CYP51A1: variants seen among roughly 807,000 people sequenced by gnomAD.
CYP51A1 encodes lanosterol 14-alpha demethylase.
A neutral mutation model predicts 53.5 loss-of-function variants in CYP51A1; 45 were observed. That is an observed-to-expected ratio of 0.84 (90% CI 0.66 to 1.08). The LOEUF is 1.08. CYP51A1 is among the 50% of genes least tolerant of loss of function. The pLI is 0.00. For missense variants in CYP51A1, 462 were observed against 621.7 expected (o/e 0.74, Z 2.73); for synonymous variants, 181 against 217.7 (o/e 0.83, Z 1.48).
intron 1 of CYP51A1, among the ~76,000 whole-genome samples, chr7:92,132,774 T>G (rs916177373): frequency 2.6e-5 from 4 of 152,154 alleles, no homozygotes; most frequent in African/African-American, 9.7e-5. Context: ...TTTAAGAGAG[T>G]AGATCAGCTC....
chr7:92,122,079 G>A (rs530852523), intron 7 of CYP51A1, among the ~76,000 whole-genome samples: 1 of 152,132 alleles, frequency 6.6e-6, no homozygotes, highest in African/African-American at 2.4e-5. Context: ...ATGAACAATT[G>A]TATGCCAACA....
At chr7:92,129,637 T>C (rs1308900171) in intron 2 of CYP51A1, among the ~76,000 whole-genome samples, 1 of 152,198 alleles carries the variant, frequency 6.6e-6, no homozygotes, top group African/African-American at 2.4e-5. Context: ...TTTCTGGTTA[T>C]GATTGAAGAC....
upstream of CYP51A1, chr7:92,134,574 T>C: frequency 1.8e-6 from 1 of 551,906 alleles, no homozygotes; most frequent in Non-Finnish European, 3.2e-6. Context: ...AATAACACTC[T>C]GTGAAGCCGT....
At chr7:92,123,979 A>G (rs896889378) in intron 5 of CYP51A1, 126 bp from the exon 6 acceptor site, 1 of 694,360 alleles carries the variant, frequency 1.4e-6, no homozygotes, top group Non-Finnish European at 2.2e-6. Context: ...CTCTAAAATA[A>G]TTGACAAAAA....
At chr7:92,118,904 T>A (rs1219529726) in intron 7 of CYP51A1, among the ~76,000 whole-genome samples, 1 of 152,214 alleles carries the variant, frequency 6.6e-6, no homozygotes, top group African/African-American at 2.4e-5. Flanking sequence ...TTTTTCAAAA[T>A]TCTGGAAGAT....
chr7:92,134,062 C>G, intron 1 of CYP51A1, 111 bp downstream of exon 1: 1 of 1,050,118 alleles, frequency 9.5e-7, no homozygotes, highest in Non-Finnish European at 1.4e-6. Flanking sequence ...GCAGTCGCCC[C>G]CGCCCTTGCC....
chr7:92,124,908 C>A (rs567363142), intron 5 of CYP51A1, among the ~76,000 whole-genome samples: 64 of 152,188 alleles, frequency 4.2e-4, no homozygotes, highest in African/African-American at 1.5e-3. Flanking sequence ...CTATGGGAGG[C>A]CGAGGCGGGC....
At chr7:92,130,239 A>G (rs1819889387) in intron 2 of CYP51A1, among the ~76,000 whole-genome samples, 3 of 152,294 alleles carry the variant, frequency 2.0e-5, no homozygotes, top group Admixed American at 6.5e-5. Context: ...CTTTGGTCCT[A>G]TAGTCAGAGA....
intron 4 of CYP51A1, 53 bp downstream of exon 4, chr7:92,127,452 T>C: frequency 6.4e-7 from 1 of 1,551,142 alleles, no homozygotes; most frequent in Non-Finnish European, 8.7e-7. Context: ...ACTCTACTTT[T>C]CTATTCACAG....
At position 92,134,192 on chromosome 7, in the gene CYP51A1, A is replaced by C; in HGVS notation, c.173T>G (p.Val58Gly). The C allele has an allele frequency of 1.2e-6, 2 of 1,612,246 alleles. No homozygotes were observed. Among genetic ancestry groups the C allele is most frequent in the Non-Finnish European group, 1.7e-6 (2 of 1,179,726 alleles). The change falls in exon 1 of 10, where the codon GTC (valine) becomes GGC (glycine). Residue 58 changes from valine (V) to glycine (G), a missense_variant. Transcript: ENST00000003100. ...ACGTACCACCCCTGCGGGCAGCTGGACCAGGTGGCCGGCGGCCAGACGGAT... is the reference window on the plus strand; with the variant it reads ...ACGTACCACCCCTGCGGGCAGCTGGCCCAGGTGGCCGGCGGCCAGACGGAT... ...YLIRLAAGHL[V>G]QLPAGVKSPP... is the part of the protein sequence containing the mutation.
rs182924373 is a variant in CYP51A1 at position 92,115,413 on chromosome 7, G to C, written c.1352-1570C>G. On this transcript the variant is annotated intron_variant, in intron 9 of 9. Transcript: ENST00000003100. ...ATGCCATGTTAAGATACAGAGACATGAACAAGAAGAAAGCCTGTTGAAGAC... is the reference window on the plus strand; with the variant it reads ...ATGCCATGTTAAGATACAGAGACATCAACAAGAAGAAAGCCTGTTGAAGAC... 1.1e-3 allele frequency among the ~76,000 whole-genome samples: 161 copies of C among 152,254 alleles called. 3 individuals carry two copies. The highest frequency in any genetic ancestry group is 0.01 in the Admixed American group (158 of 15,296).
intron 5 of CYP51A1, among the ~76,000 whole-genome samples, chr7:92,125,867 G>A (rs747475738): frequency 6.6e-6 from 1 of 152,094 alleles, no homozygotes; most frequent in Non-Finnish European, 1.5e-5. Context: ...ATGGTGGCAC[G>A]TGCCTGTAGT....
intron 7 of CYP51A1, among the ~76,000 whole-genome samples, chr7:92,120,844 G>T (rs1490193733): frequency 6.6e-6 from 1 of 151,902 alleles, no homozygotes; most frequent in Non-Finnish European, 1.5e-5. Flanking sequence ...AAAAAAAATA[G>T]ATGAACTCTT....
In CYP51A1 at chr7:92,129,055, T is replaced by C. The variant is rs755424289; in HGVS notation, c.293A>G (p.Tyr98Cys). The C allele has an allele frequency of 5.0e-6, 8 of 1,605,660 alleles. No individual in the cohort carries two copies. Among genetic ancestry groups the C allele is most frequent in the Non-Finnish European group, 6.8e-6 (8 of 1,175,906 alleles). The change falls in exon 3 of 10, where the codon TAT becomes TGT. Residue 98 changes from tyrosine (Y) to cysteine (C), a missense_variant and splice_region_variant. By Grantham distance (194) the Tyr-to-Cys change is radical. Coordinates refer to ENST00000003100, the MANE Select transcript of CYP51A1 (RefSeq NM_000786.4). ...IEFLENAYEK[Y>C]GPVFSFTMVG... ...CATGGTAAAACTAAATACAGGTCCA[T>C]ACTAAAAAGAGAAAAGTACATATAG...
At chr7:92,115,732 A>G (rs928914202) in intron 9 of CYP51A1, among the ~76,000 whole-genome samples, 1 of 152,262 alleles carries the variant, frequency 6.6e-6, no homozygotes, top group African/African-American at 2.4e-5. Flanking sequence ...ATATAAGTTC[A>G]GAGACTATGG....
chr7:92,112,337 G>GAGTT lies in CYP51A1; in HGVS notation c.*1324_*1327dup, dbSNP rs1819388560. On this transcript the variant is annotated 3_prime_UTR_variant, in exon 10 of 10. Transcript: ENST00000003100. Reference sequence around the variant, plus strand: ...CAGCCATCTCATATAGTTAGGCCCCGAGTTACAATTTGAGATAAGTTGATT... The same window carrying GAGTT: ...CAGCCATCTCATATAGTTAGGCCCCGAGTTAGTTACAATTTGAGATAAGTTGATT... 1 of 152,130 alleles carries GAGTT rather than the reference G, an allele frequency of 6.6e-6. No individual in the cohort carries two copies. Among genetic ancestry groups the GAGTT allele is most frequent in the South Asian group, 2.1e-4 (1 of 4,832 alleles). The allele number at this position is 152,130 out of a possible 1,614,324, so 9.4% of individuals were successfully genotyped here.
chr7:92,132,433 G>A (rs1819942339), intron 1 of CYP51A1, among the ~76,000 whole-genome samples: 1 of 151,834 alleles, frequency 6.6e-6, no homozygotes, highest in Non-Finnish European at 1.5e-5. Flanking sequence ...ATTAAACTGT[G>A]TTTTTTTATT....
chr7:92,120,711 T>G (rs1027230176), intron 7 of CYP51A1, among the ~76,000 whole-genome samples: 1 of 152,150 alleles, frequency 6.6e-6, no homozygotes, highest in African/African-American at 2.4e-5. Flanking sequence ...ATAAATTAAT[T>G]CATAATGGAT....
chr7:92,119,160 C>T (rs974875978), intron 7 of CYP51A1, among the ~76,000 whole-genome samples: 1 of 152,152 alleles, frequency 6.6e-6, no homozygotes, highest in African/African-American at 2.4e-5. Flanking sequence ...TTGTTTAACA[C>T]TGAAGGCGCC....
Sources: allele counts gnomAD v4.1 joint callset (sites outside exome capture counted in the v4.1 genomes callset), GRCh38; gene constraint gnomAD v4.1.1; transcripts MANE v1.5; gene names NCBI Gene and HGNC (gene_info 2026-07-23, HGNC 2026-07-21).